Variants in NOSTRIN observed in about 807,000 individuals in gnomAD.
NOSTRIN encodes the protein BM247 homolog.
Under a neutral mutation model 59.0 loss-of-function variants are expected in NOSTRIN, and 63 were observed. That is an observed-to-expected ratio of 1.07 (90% confidence interval 0.87 to 1.32). NOSTRIN has a LOEUF of 1.32. NOSTRIN is among the 40% of genes most tolerant of loss of function. The pLI, the probability that NOSTRIN is intolerant of heterozygous loss-of-function variation, is 0.00. For missense variants in NOSTRIN, 512 were observed against 473.1 expected (o/e 1.08, Z -0.76); for synonymous variants, 200 against 165.4 (o/e 1.21, Z -1.61).
intron 2 of NOSTRIN, among the ~76,000 whole-genome samples, chr2:168,813,687 G>A (rs1251368854): frequency 6.6e-6 from 1 of 152,086 alleles, no homozygotes; most frequent in Non-Finnish European, 1.5e-5. Flanking sequence ...CATCCTTATA[G>A]AGAAGAATTT....
At chr2:168,823,076 G>T (rs1322321233) in intron 2 of NOSTRIN, among the ~76,000 whole-genome samples, 1 of 152,180 alleles carries the variant, frequency 6.6e-6, no homozygotes, top group Non-Finnish European at 1.5e-5. Context: ...GCGTGCAGTG[G>T]CGCAATCTTG....
At chr2:168,786,674 C>A (rs990240457) in intron 1 of NOSTRIN, 5 of 152,112 alleles carry the variant, frequency 3.3e-5, no homozygotes, top group African/African-American at 9.7e-5. Context: ...AAAGGTCAAG[C>A]CAGCCACTTG....
At chr2:168,830,345 C>T (rs1422239565) in intron 5 of NOSTRIN, among the ~76,000 whole-genome samples, 1 of 152,112 alleles carries the variant, frequency 6.6e-6, no homozygotes, top group Non-Finnish European at 1.5e-5. Flanking sequence ...ACCCCACCAC[C>T]CCACTCCACT....
chr2:168,834,541 A>ACC (rs771238952), intron 7 of NOSTRIN, among the ~76,000 whole-genome samples: 195 of 140,344 alleles, frequency 1.4e-3, no homozygotes, highest in South Asian at 2.8e-3. Context: ...ACACACACAC[A>ACC]CCACATACAT....
chr2:168,856,846 C>A, intron 12 of NOSTRIN, 68 bp downstream of exon 12: 2 of 1,465,314 alleles, frequency 1.4e-6, no homozygotes, highest in Non-Finnish European at 1.9e-6. Flanking sequence ...ATACTTGTTT[C>A]TGGTCCACTT....
At chr2:168,848,767 G>A (rs1164298152) in intron 8 of NOSTRIN, among the ~76,000 whole-genome samples, 1 of 152,154 alleles carries the variant, frequency 6.6e-6, no homozygotes, top group Non-Finnish European at 1.5e-5. Context: ...TAGAATGGTG[G>A]TTGCCAGGGG....
intron 7 of NOSTRIN, among the ~76,000 whole-genome samples, chr2:168,838,193 C>T (rs558658999): frequency 6.6e-6 from 1 of 152,228 alleles, no homozygotes; most frequent in Non-Finnish European, 1.5e-5. Flanking sequence ...ATCCAACCAT[C>T]ACTTTTTTTC....
rs181142139 is a variant in NOSTRIN, at chr2:168,790,892, C to T, written c.-473+2844C>T. ...AGAAGGTGAAGGAGCATTAGATTGG[C>T]AACTTATTCAGGACAGAAGGAAAAA... On this transcript the variant is annotated intron_variant, in intron 2 of 20. Transcript: ENST00000458381. Among the ~76,000 whole-genome samples the T allele has an allele frequency of 4.4e-3, 677 of 152,268 alleles. 6 individuals carry two copies. The highest frequency in any genetic ancestry group is 7.6e-3 in the Non-Finnish European group (516 of 68,012).
intron 2 of NOSTRIN, among the ~76,000 whole-genome samples, chr2:168,790,010 G>A (rs1685307084): frequency 6.6e-6 from 1 of 152,196 alleles, no homozygotes; most frequent in Non-Finnish European, 1.5e-5. Flanking sequence ...AGAAGGAACA[G>A]TCCTAACAGG....
At chr2:168,796,444 G>A (rs1444074221), upstream of NOSTRIN, among the ~76,000 whole-genome samples, 3 of 152,168 alleles carry the variant, frequency 2.0e-5, no homozygotes, top group Non-Finnish European at 2.9e-5. Flanking sequence ...CAATACCAGC[G>A]GGCCAGCTGC....
intron 5 of NOSTRIN, 94 bp downstream of exon 5, chr2:168,828,595 T>A: frequency 1.9e-6 from 1 of 526,306 alleles, no homozygotes. Flanking sequence ...TGGTACCAAG[T>A]TTCAGGAATT....
chr2:168,863,324 C>A, intron 15 of NOSTRIN: 1 of 832,796 alleles, frequency 1.2e-6, no homozygotes, highest in Non-Finnish European at 1.4e-6. Context: ...TGATTTATGA[C>A]TAAGAAAATG....
chr2:168,814,539 A>G (rs1686303661), intron 2 of NOSTRIN, among the ~76,000 whole-genome samples: 1 of 152,252 alleles, frequency 6.6e-6, no homozygotes, highest in South Asian at 2.1e-4. Flanking sequence ...CTTCAAAAGA[A>G]ACTATCTTGT....
Position 168,834,498 on chromosome 2 carries a change from C to CGT in NOSTRIN, c.504+174_504+175insTG, listed in dbSNP as rs1274060045. On this transcript the variant is annotated intron_variant, in intron 7 of 15. Transcript: ENST00000317647. ...CCAAATCATTACTGGCGTGCGCGCGCGCGCGCGCGCACACACACACACACA... is the reference window on the plus strand; with the variant it reads ...CCAAATCATTACTGGCGTGCGCGCGCGTGCGCGCGCGCACACACACACACACA... Among the ~76,000 whole-genome samples, 116 of 102,044 alleles carry CGT rather than the reference C, an allele frequency of 1.1e-3. No homozygotes were observed. The Middle Eastern group carries it at 0.015, about 13-fold the overall frequency. The allele number at this position is 102,044 out of a possible 152,430, so 66.9% of individuals were successfully genotyped here. A position where few individuals can be genotyped will look rare whatever the true frequency, so the allele number is the denominator to read the frequency against.
chr2:168,803,675 C>G (rs1019014136), intron 1 of NOSTRIN, among the ~76,000 whole-genome samples: 3 of 152,116 alleles, frequency 2.0e-5, no homozygotes, highest in Non-Finnish European at 4.4e-5. Context: ...ATAATGACAA[C>G]ATAGTAGCCA....
rs116388859 is a variant in NOSTRIN, at chr2:168,803,191, T to C, written c.27+518T>C. 5.0e-3 allele frequency among the ~76,000 whole-genome samples: 754 copies of C among 152,278 alleles called. 3 individuals carry two copies. Among genetic ancestry groups the C allele is most frequent in the African/African-American group, 0.017 (711 of 41,566 alleles). ...TGGCTCTCAGACTGGTTTAGCAGCA[T>C]GTTTGTTCCATGTTTGTTCGTTTTG... is the stretch of plus-strand genomic sequence containing the variant. On this transcript the variant is annotated intron_variant, in intron 1 of 15. Transcript: ENST00000317647.
rs16855994 is a variant in NOSTRIN, at chr2:168,828,240, C to G, written c.260+20C>G. The G allele has an allele frequency of 8.3e-3, 7,269 of 872,928 alleles. 308 individuals carry two copies. In the East Asian group the frequency reaches 0.11, roughly 13 times the overall value. The allele number at this position is 872,928 out of a possible 1,614,324, so 54.1% of individuals were successfully genotyped here. ...GCATCAGTGAGTTCTCCCACCCTGG[C>G]CTTTCTCCAACTCCAAAGGGAATCA... On this transcript the variant is annotated intron_variant, in intron 4 of 15. Coordinates refer to ENST00000317647, the MANE Select transcript of NOSTRIN (RefSeq NM_001039724.4).
chr2:168,856,621 C>T (rs908767000), intron 11 of NOSTRIN, 69 bp from the exon 12 acceptor site: 32 of 1,398,640 alleles, frequency 2.3e-5, no homozygotes, highest in African/African-American at 4.3e-5. Flanking sequence ...CCTTTGAGAG[C>T]GACCGACTCC....
chr2:168,811,020 G>A (rs1320708434), intron 1 of NOSTRIN, among the ~76,000 whole-genome samples: 2 of 152,162 alleles, frequency 1.3e-5, no homozygotes, highest in South Asian at 4.1e-4. Context: ...TAACCAAAAT[G>A]TTCAACTCAT....
Sources: gnomAD v4.1 joint callset for allele counts (sites outside exome capture counted in the v4.1 genomes callset) on GRCh38, gnomAD v4.1.1 for gene constraint, MANE v1.5 for transcripts, NCBI Gene and HGNC (gene_info 2026-07-23, HGNC 2026-07-21) for gene names.